SENP7: variants seen among roughly 807,000 people sequenced by gnomAD.
SENP7 encodes the protein SUMO specific peptidase 7, also known as sentrin-specific protease 7.
In SENP7, 64 loss-of-function variants were observed where a neutral mutation model predicts 141.2. The ratio of observed to expected loss-of-function variants is 0.45; its 90% CI spans 0.37 to 0.56. The LOEUF (loss-of-function observed/expected upper bound fraction) is 0.56, where lower values mean the gene tolerates loss of function less well. Among genes scored for constraint, SENP7 ranks in the 20% least tolerant of loss-of-function variants. The probability of loss-of-function intolerance (pLI) is 0.00; values close to 1 mark genes in which losing one functional copy is unlikely to be tolerated. For missense variants in SENP7, 1,025 were observed against 1,212.2 expected (o/e 0.85, Z 2.29); for synonymous variants, 382 against 426.4 (o/e 0.90, Z 1.28).
intron 6 of SENP7, among the ~76,000 whole-genome samples, chr3:101,376,998 C>A (rs1447729787): frequency 6.6e-6 from 1 of 151,758 alleles, no homozygotes; most frequent in African/African-American, 2.4e-5. Flanking sequence ...AAGAAAAACA[C>A]TATATTTATT....
At position 101,513,190 on chromosome 3, in the gene SENP7, G is replaced by A; in HGVS notation, c.-60C>T. ...TGTCACCTCAGGACCCCTCCGGCTT[G>A]GAGAGGGAGGGGGAGGGGAAAGGAA... On this transcript the variant is annotated 5_prime_UTR_variant, in exon 1 of 24. Transcript: ENST00000394095. 1 of 692,410 alleles carries A rather than the reference G, an allele frequency of 1.4e-6. No individual in the cohort carries two copies. The highest frequency in any genetic ancestry group is 1.9e-5 in the African/African-American group (1 of 52,130). The allele number at this position is 692,410 out of a possible 1,614,324, so 42.9% of individuals were successfully genotyped here. A position where few individuals can be genotyped will look rare whatever the true frequency, so the allele number is the denominator to read the frequency against.
At chr3:101,365,020 G>GTTTATTTA (rs199932025) in intron 9 of SENP7, 29 bp from the exon 10 acceptor site, 90 of 1,308,892 alleles carry the variant, frequency 6.9e-5, no homozygotes, top group Admixed American at 3.3e-4. Flanking sequence ...ATGTATTTTT[G>GTTTATTTA]TTTATTTATT....
At chr3:101,472,688 T>C (rs2064052502) in intron 3 of SENP7, among the ~76,000 whole-genome samples, 1 of 151,802 alleles carries the variant, frequency 6.6e-6, no homozygotes, top group Non-Finnish European at 1.5e-5. Flanking sequence ...ATCATAAAGG[T>C]AAACAATAAA....
At chr3:101,330,279 A>C in intron 20 of SENP7, 55 bp downstream of exon 20, 1 of 1,293,228 alleles carries the variant, frequency 7.7e-7, no homozygotes, top group Non-Finnish European at 1.1e-6. Flanking sequence ...TTTACAGATA[A>C]CATTATTATA....
chr3:101,364,248 G>A (rs927051735), intron 10 of SENP7, among the ~76,000 whole-genome samples: 3 of 151,720 alleles, frequency 2.0e-5, no homozygotes, highest in Admixed American at 6.6e-5. Context: ...AAGAAAGAAA[G>A]AAAGAAAGAA....
intron 2 of SENP7, among the ~76,000 whole-genome samples, chr3:101,499,264 C>T (rs2065277177): frequency 6.6e-6 from 1 of 152,048 alleles, no homozygotes; most frequent in African/African-American, 2.4e-5. Context: ...TAGTCTAAAG[C>T]ACGATATTTC....
At chr3:101,431,846 T>C (rs566355938) in intron 4 of SENP7, among the ~76,000 whole-genome samples, 71 of 149,852 alleles carry the variant, frequency 4.7e-4, no homozygotes, top group Non-Finnish European at 7.9e-4. Context: ...ATGCATTTGT[T>C]ACTTGACAAC....
intron 7 of SENP7, among the ~76,000 whole-genome samples, chr3:101,371,559 G>C (rs1418076756): frequency 6.6e-6 from 1 of 152,126 alleles, no homozygotes; most frequent in Non-Finnish European, 1.5e-5. Context: ...AGTCTAGGAA[G>C]TATTTACCTT....
chr3:101,356,192 G>A (rs1240916198), intron 11 of SENP7, among the ~76,000 whole-genome samples: 1 of 151,790 alleles, frequency 6.6e-6, no homozygotes, highest in Non-Finnish European at 1.5e-5. Context: ...TACCTTATAC[G>A]TTACTTAATG....
Position 101,333,588 on chromosome 3 carries a change from G to A in SENP7, c.2481-726C>T, listed in dbSNP as rs551792694. On this transcript the variant is annotated intron_variant, in intron 17 of 23. Coordinates refer to ENST00000394095, the MANE Select transcript of SENP7 (RefSeq NM_020654.5). ...ATCTTAATGGAGGAGGAAAAATGAG[G>A]CTTTTATTCTCAGATTCTTTAAAAT... Among the ~76,000 whole-genome samples, 292 of 151,912 alleles carry A rather than the reference G, an allele frequency of 1.9e-3. 1 individual carries two copies. Among genetic ancestry groups the A allele is most frequent in the Non-Finnish European group, 3.4e-3 (229 of 67,924 alleles).
chr3:101,404,988 A>G (rs1050296522), intron 5 of SENP7, among the ~76,000 whole-genome samples: 1 of 152,174 alleles, frequency 6.6e-6, no homozygotes, highest in African/African-American at 2.4e-5. Flanking sequence ...CCTTGATTGG[A>G]TTTCTTGCCT....
chr3:101,431,285 A>C (rs1011624711), intron 4 of SENP7, among the ~76,000 whole-genome samples: 2 of 151,908 alleles, frequency 1.3e-5, no homozygotes, highest in African/African-American at 4.8e-5. Flanking sequence ...TAGGGTGTTA[A>C]AGTCTCCCAC....
At chr3:101,341,548 C>T in intron 15 of SENP7, 98 bp downstream of exon 15, 1 of 1,126,542 alleles carries the variant, frequency 8.9e-7, no homozygotes, top group African/African-American at 1.6e-5. Flanking sequence ...GAAAGTAAAA[C>T]TTAAAACATT....
intron 4 of SENP7, among the ~76,000 whole-genome samples, chr3:101,428,516 A>G (rs1475704749): frequency 6.6e-6 from 1 of 152,206 alleles, no homozygotes; most frequent in African/African-American, 2.4e-5. Flanking sequence ...GTGTCTGTTC[A>G]TACCCTTCAC....
At chr3:101,349,778 A>T (rs1262455413) in intron 12 of SENP7, among the ~76,000 whole-genome samples, 32 of 152,156 alleles carry the variant, frequency 2.1e-4, no homozygotes, top group Non-Finnish European at 4.4e-5. Context: ...TCTGCCCCCA[A>T]TATATGGTTT....
At chr3:101,502,741 C>T (rs1478479973) in intron 1 of SENP7, among the ~76,000 whole-genome samples, 2 of 151,918 alleles carry the variant, frequency 1.3e-5, no homozygotes, top group Non-Finnish European at 2.9e-5. Flanking sequence ...ACAGTGGGAC[C>T]CCATCTCTAT....
intron 4 of SENP7, among the ~76,000 whole-genome samples, chr3:101,431,237 T>C (rs2062155475): frequency 6.6e-6 from 1 of 152,200 alleles, no homozygotes; most frequent in African/African-American, 2.4e-5. Flanking sequence ...GATATCCTTG[T>C]TAACCTTCTG....
intron 5 of SENP7, among the ~76,000 whole-genome samples, chr3:101,405,980 T>C (rs2107608200): frequency 6.6e-6 from 1 of 152,296 alleles, no homozygotes; most frequent in African/African-American, 2.4e-5. Context: ...TTTTACACTG[T>C]TGGTGGGACT....
intron 16 of SENP7, among the ~76,000 whole-genome samples, chr3:101,339,555 T>C (rs2059275945): frequency 6.6e-6 from 1 of 151,980 alleles, no homozygotes; most frequent in Non-Finnish European, 1.5e-5. Context: ...CCATCTCTAC[T>C]AAAAGTACAA....
Sources: gnomAD v4.1 joint callset for allele counts (sites outside exome capture counted in the v4.1 genomes callset) on GRCh38, gnomAD v4.1.1 for gene constraint, MANE v1.5 for transcripts, NCBI Gene and HGNC (gene_info 2026-07-23, HGNC 2026-07-21) for gene names.